The following NLGN4X variants were observed in gnomAD, a reference collection of about 807,000 sequenced individuals.
NLGN4X encodes neuroligin 4 X-linked.
NLGN4X carries 3 observed loss-of-function variants against 40.3 expected under a neutral mutation model. The observed-to-expected ratio is 0.07, with a 90% CI of 0.03 to 0.19. The LOEUF (loss-of-function observed/expected upper bound fraction) is 0.19, where lower values mean the gene tolerates loss of function less well. Among genes scored for constraint, NLGN4X ranks in the 10% least tolerant of loss-of-function variants. The pLI is 1.00. For missense variants in NLGN4X, 382 were observed against 708.3 expected, an observed-to-expected ratio of 0.54 and a Z score of 5.23; for synonymous variants, 270 against 306.8, an observed-to-expected ratio of 0.88 and a Z score of 1.25.
chrX:5,992,913 C>A (rs191577681), intron 3 of NLGN4X, among the ~76,000 whole-genome samples: 9 of 111,585 alleles, frequency 8.1e-5, no homozygotes, highest in African/African-American at 2.9e-4. Flanking sequence ...CAAATGCCTC[C>A]CACCAAGTCA....
At position 6,197,186 on chromosome X, in the gene NLGN4X, T is replaced by C. The variant is rs780880258; in HGVS notation, c.-306+31355A>G. Reference sequence around the variant, plus strand: ...TTCTTCTGGACTTTATTCCAGAATTTGGACAAGATAACCTATTACAGAAGG... The same window carrying C: ...TTCTTCTGGACTTTATTCCAGAATTCGGACAAGATAACCTATTACAGAAGG... On this transcript the variant is annotated intron_variant, in intron 1 of 5. Transcript: ENST00000381095. 1.4e-3 allele frequency among the ~76,000 whole-genome samples: 153 copies of C among 111,859 alleles called. 2 individuals carry two copies. The highest frequency in any genetic ancestry group is 4.8e-3 in the African/African-American group (149 of 30,932).
chrX:6,067,554 G>C (rs1006858617), intron 2 of NLGN4X, among the ~76,000 whole-genome samples: 1 of 111,534 alleles, frequency 9.0e-6, no homozygotes, highest in African/African-American at 3.3e-5. Context: ...AATGTTCCAT[G>C]TTCTGCACCT....
chrX:5,978,316 CTTTCTTTCTTTCTTTCTTTCTTTCT>C lies in NLGN4X; in HGVS notation c.625+50939_625+50963del, dbSNP rs1569164879. 8.9e-3 allele frequency among the ~76,000 whole-genome samples: 825 copies of C among 92,726 alleles called. 16 individuals are homozygous for C. Among genetic ancestry groups the C allele is most frequent in the South Asian group, 0.024 (45 of 1,906 alleles). 80.5% of individuals were successfully genotyped at this position (92,726 alleles called of 115,157 possible). On this transcript the variant is annotated intron_variant, in intron 3 of 5. Coordinates refer to ENST00000381095, the MANE Select transcript of NLGN4X (RefSeq NM_181332.3). ...TCTTTCTTTCTTTCTTTCTTTCTTT[CTTTCTTTCTTTCTTTCTTTCTTTCT>C]TTCCCTTCCTTCTCTTTCTTTCTCT... is the stretch of plus-strand genomic sequence containing the variant.
chrX:6,038,878 A>T (rs748744407), intron 2 of NLGN4X, among the ~76,000 whole-genome samples: 189 of 111,766 alleles, frequency 1.7e-3, no homozygotes, highest in African/African-American at 5.8e-3. Flanking sequence ...AGAAAGGAGA[A>T]CATCTGGGGG....
chrX:6,221,425 A>G (rs1233026009), intron 1 of NLGN4X, among the ~76,000 whole-genome samples: 1 of 71,324 alleles, frequency 1.4e-5, no homozygotes, highest in Admixed American at 1.7e-4. Context: ...ATATATATAT[A>G]TATATTTGCT....
At chrX:5,943,787 T>A (rs1325050865) in intron 3 of NLGN4X, among the ~76,000 whole-genome samples, 1 of 112,545 alleles carries the variant, frequency 8.9e-6, no homozygotes, top group Non-Finnish European at 1.9e-5. Flanking sequence ...CAGCTTGCCA[T>A]GATCATTTAA....
chrX:6,025,904 CAAAAA>C (rs10712022), intron 3 of NLGN4X, among the ~76,000 whole-genome samples: 1 of 80,198 alleles, frequency 1.2e-5, no homozygotes, highest in African/African-American at 4.8e-5. Flanking sequence ...GACTCCATCT[CAAAAA>C]AAAAAAAAAA....
intron 3 of NLGN4X, among the ~76,000 whole-genome samples, chrX:5,990,035 C>T (rs2035636204): frequency 9.5e-6 from 1 of 105,185 alleles, no homozygotes; most frequent in African/African-American, 3.5e-5. Flanking sequence ...TCACAGATAA[C>T]GGGGGTTGGT....
chrX:6,008,167 T>C (rs1013591203), intron 3 of NLGN4X, among the ~76,000 whole-genome samples: 2 of 111,958 alleles, frequency 1.8e-5, no homozygotes, highest in African/African-American at 6.5e-5. Context: ...TTTAGTATAT[T>C]TGCATTTTTG....
intron 3 of NLGN4X, among the ~76,000 whole-genome samples, chrX:6,025,268 A>C (rs1333288346): frequency 1.8e-5 from 2 of 112,262 alleles, no homozygotes; most frequent in Non-Finnish European, 3.8e-5. Flanking sequence ...GGATTGGATC[A>C]TAAATTATAT....
At chrX:6,034,074 T>G (rs1002156765) in intron 2 of NLGN4X, among the ~76,000 whole-genome samples, 1 of 112,504 alleles carries the variant, frequency 8.9e-6, no homozygotes, top group Non-Finnish European at 1.9e-5. Flanking sequence ...GATAATGCTG[T>G]TTCCATATAT....
At chrX:6,173,930 G>A (rs1329564153) in intron 1 of NLGN4X, among the ~76,000 whole-genome samples, 1 of 110,904 alleles carries the variant, frequency 9.0e-6, no homozygotes, top group Non-Finnish European at 1.9e-5. Flanking sequence ...GCATGGTGGT[G>A]GGCACCTGTA....
chrX:6,134,980 C>T (rs894285554), intron 2 of NLGN4X, among the ~76,000 whole-genome samples: 9 of 112,860 alleles, frequency 8.0e-5, no homozygotes, highest in African/African-American at 2.3e-4. Flanking sequence ...TGAAGTTTGG[C>T]CAAATTCATG....
intron 2 of NLGN4X, among the ~76,000 whole-genome samples, chrX:6,080,424 C>T (rs776297995): frequency 2.7e-5 from 3 of 111,636 alleles, no homozygotes; most frequent in South Asian, 7.6e-4. Context: ...AATCCATTCT[C>T]GCCTACTCAT....
At chrX:6,159,312 T>C (rs890985323) in intron 1 of NLGN4X, among the ~76,000 whole-genome samples, 5 of 111,763 alleles carry the variant, frequency 4.5e-5, no homozygotes, top group African/African-American at 1.6e-4. Context: ...TCTCTTTCCT[T>C]GTCTGTCAGT....
chrX:5,922,804 A>G (rs761314522), intron 3 of NLGN4X, among the ~76,000 whole-genome samples: 2 of 111,176 alleles, frequency 1.8e-5, no homozygotes, highest in South Asian at 7.7e-4. Flanking sequence ...AGGAGGTTGC[A>G]GTGAGCCGAG....
rs1475006510 is a variant in NLGN4X at position 6,151,351 on chromosome X, A to G, written c.116T>C (p.Ile39Thr). The change falls in exon 2 of 6, where the codon ATT becomes ACT. Residue 39 changes from isoleucine to threonine, a missense_variant. By Grantham distance (89) the Ile-to-Thr change is moderately conservative. Coordinates refer to ENST00000381095, the MANE Select transcript of NLGN4X (RefSeq NM_181332.3). ...AACTGGATACTGTGCTTGGCTGTCA[A>G]TGAGGGTGAACTTGATGGCAAGAGC... Reference protein sequence around the residue: ...LTALAIKFTLIDSQAQYPVVN... With the variant: ...LTALAIKFTLTDSQAQYPVVN... The G allele has an allele frequency of 9.1e-6, 11 of 1,211,741 alleles. No individual in the cohort carries two copies. The highest frequency in any genetic ancestry group is 1.0e-5 in the Non-Finnish European group (9 of 895,396).
In NLGN4X at chrX:6,116,391, C is replaced by CTTTT. The variant is rs1157468420; in HGVS notation, c.472+34600_472+34603dup. Among the ~76,000 whole-genome samples, 48 of 22,292 alleles carry CTTTT rather than the reference C, an allele frequency of 2.2e-3. 13 individuals carry two copies. Among genetic ancestry groups the CTTTT allele is most frequent in the East Asian group, 4.5e-3 (3 of 663 alleles). The allele number at this position is 22,292 out of a possible 115,157, so 19.4% of individuals were successfully genotyped here. ...ACAAGTAGGTATTGAACCTTTCTTT[C>CTTTT]TTTTTTTTTTTTTTTTTTTTTTTTT... On this transcript the variant is annotated intron_variant, in intron 2 of 5. Coordinates refer to ENST00000381095, the MANE Select transcript of NLGN4X (RefSeq NM_181332.3).
chrX:6,184,779 G>A (rs1302077794), intron 1 of NLGN4X, among the ~76,000 whole-genome samples: 1 of 112,466 alleles, frequency 8.9e-6, no homozygotes, highest in East Asian at 2.8e-4. Flanking sequence ...CAATGTTAAA[G>A]CACCACAGAA....
Sources: allele counts gnomAD v4.1 joint callset (sites outside exome capture counted in the v4.1 genomes callset), GRCh38; gene constraint gnomAD v4.1.1; transcripts MANE v1.5; gene names NCBI Gene and HGNC (gene_info 2026-07-23, HGNC 2026-07-21).